Variants in IL23R observed in about 807,000 individuals in gnomAD.
IL23R encodes interleukin 23 receptor, also known as interleukin-23 receptor.
Under a neutral mutation model 56.9 loss-of-function variants are expected in IL23R, and 34 were observed. The ratio of observed to expected loss-of-function variants is 0.60; its 90% CI spans 0.45 to 0.80. The LOEUF is 0.80. IL23R is among the 30% of genes least tolerant of loss of function. The pLI is 0.00. For missense variants in IL23R, 635 were observed against 730.0 expected, an observed-to-expected ratio of 0.87 and a Z score of 1.50; for synonymous variants, 230 against 249.2, an observed-to-expected ratio of 0.92 and a Z score of 0.73.
chr1:67,204,768 G>GT (rs1648889751), intron 5 of IL23R, among the ~76,000 whole-genome samples: 1 of 66,424 alleles, frequency 1.5e-5, no homozygotes, highest in African/African-American at 6.7e-5. Context: ...TCTCAATACT[G>GT]ATTTTTTTTT....
intron 1 of IL23R, among the ~76,000 whole-genome samples, chr1:67,142,240 T>C (rs573073415): frequency 3.8e-4 from 58 of 152,238 alleles, no homozygotes; most frequent in African/African-American, 1.3e-3. Context: ...TGAGATCCTT[T>C]CTCAAAAAAG....
At chr1:67,161,759 C>G (rs773115738), upstream of IL23R, among the ~76,000 whole-genome samples, 1 of 151,968 alleles carries the variant, frequency 6.6e-6, no homozygotes, top group Non-Finnish European at 1.5e-5. Flanking sequence ...TCCTAAGTAG[C>G]TGGGATTACA....
chr1:67,212,977 G>A (rs1229470269), intron 6 of IL23R, among the ~76,000 whole-genome samples: 1 of 151,950 alleles, frequency 6.6e-6, no homozygotes, highest in African/African-American at 2.4e-5. Flanking sequence ...GGGTTCAAGC[G>A]ATTCTCCTGA....
chr1:67,194,380 C>G (rs1647982290), intron 4 of IL23R, among the ~76,000 whole-genome samples: 1 of 152,138 alleles, frequency 6.6e-6, no homozygotes, highest in East Asian at 1.9e-4. Flanking sequence ...CCAGGAGCCC[C>G]CAGCCATCAG....
chr1:67,249,656 A>T (rs1652488140), intron 9 of IL23R, among the ~76,000 whole-genome samples: 1 of 152,180 alleles, frequency 6.6e-6, no homozygotes, highest in African/African-American at 2.4e-5. Context: ...CATGTAACTA[A>T]ACATGTCAGA....
chr1:67,168,842 T>G (rs11465772), intron 2 of IL23R, among the ~76,000 whole-genome samples: 3,166 of 152,240 alleles, frequency 0.021, 99 homozygotes, highest in African/African-American at 0.072. Flanking sequence ...TCTAGTCTTG[T>G]GTCATGGTGC....
At chr1:67,181,964 A>G (rs958246930) in intron 3 of IL23R, among the ~76,000 whole-genome samples, 2 of 152,180 alleles carry the variant, frequency 1.3e-5, no homozygotes, top group African/African-American at 4.8e-5. Flanking sequence ...GTGAACAGCA[A>G]ATGTTGCTGC....
intron 7 of IL23R, among the ~76,000 whole-genome samples, chr1:67,222,106 T>C (rs11209024): frequency 4.2e-4 from 24 of 57,728 alleles, no homozygotes; most frequent in African/African-American, 1.8e-3. Flanking sequence ...TTCTTTCTTT[T>C]TTTTTTTTTT....
At chr1:67,165,659 C>T (rs1468076489), upstream of IL23R, among the ~76,000 whole-genome samples, 5 of 152,162 alleles carry the variant, frequency 3.3e-5, no homozygotes, top group African/African-American at 7.2e-5. Flanking sequence ...TCTGCCATTG[C>T]GGTAACATAG....
intron 6 of IL23R, among the ~76,000 whole-genome samples, chr1:67,210,469 G>GT (rs552762815): frequency 5.6e-4 from 83 of 147,006 alleles, no homozygotes; most frequent in Admixed American, 1.8e-3. Flanking sequence ...CTTTTTTAAG[G>GT]TTTTTTTTTT....
the IL23R span, among the ~76,000 whole-genome samples, chr1:67,265,805 C>T: frequency 2.0e-5 from 3 of 151,904 alleles, no homozygotes; most frequent in African/African-American, 4.8e-5. Flanking sequence ...ACTTGGGAAG[C>T]TGAAGTAGGA....
At chr1:67,233,076 C>T (rs1039799216) in intron 7 of IL23R, among the ~76,000 whole-genome samples, 17 of 150,250 alleles carry the variant, frequency 1.1e-4, no homozygotes, top group African/African-American at 3.7e-4. Flanking sequence ...TGTCCAGGTG[C>T]GGTGCCTCAC....
chr1:67,148,137 G>A (rs1454435322), intron 1 of IL23R, among the ~76,000 whole-genome samples: 4 of 152,226 alleles, frequency 2.6e-5, no homozygotes, highest in African/African-American at 9.7e-5. Flanking sequence ...AGCCCGATCC[G>A]CAGCGGCGAT....
chr1:67,230,885 C>T (rs1651058843), intron 7 of IL23R, among the ~76,000 whole-genome samples: 1 of 152,176 alleles, frequency 6.6e-6, no homozygotes, highest in Admixed American at 6.5e-5. Flanking sequence ...ATTCTGACCA[C>T]AGAGCTAAAC....
intron 10 of IL23R, among the ~76,000 whole-genome samples, chr1:67,257,285 G>A (rs1230683259): frequency 1.3e-5 from 2 of 152,164 alleles, no homozygotes; most frequent in Admixed American, 1.3e-4. Context: ...GCTGGAGGCT[G>A]GGAAGTCCAT....
chr1:67,211,930 A>G (rs1649504445), intron 6 of IL23R, among the ~76,000 whole-genome samples: 1 of 152,336 alleles, frequency 6.6e-6, no homozygotes, highest in Non-Finnish European at 1.5e-5. Context: ...ATCCTTTGTG[A>G]TAGGTAGTAT....
intron 9 of IL23R, among the ~76,000 whole-genome samples, chr1:67,241,682 A>G (rs565031105): frequency 5.9e-5 from 9 of 152,304 alleles, no homozygotes; most frequent in African/African-American, 2.2e-4. Flanking sequence ...AGACCATTTG[A>G]CATTCTGGAG....
At chr1:67,229,610 C>T (rs936058207) in intron 7 of IL23R, among the ~76,000 whole-genome samples, 9 of 152,152 alleles carry the variant, frequency 5.9e-5, no homozygotes, top group African/African-American at 1.7e-4. Context: ...TTGATCTTTC[C>T]TCTGAACAAC....
chr1:67,211,614 C>G (rs1162456815), intron 6 of IL23R, among the ~76,000 whole-genome samples: 4 of 149,856 alleles, frequency 2.7e-5, no homozygotes, highest in Non-Finnish European at 4.4e-5. Context: ...CAGAGTGACT[C>G]TGTCTCCAGA....
Sources: allele counts gnomAD v4.1 joint callset (sites outside exome capture counted in the v4.1 genomes callset), GRCh38; gene constraint gnomAD v4.1.1; transcripts MANE v1.5; gene names NCBI Gene and HGNC (gene_info 2026-07-23, HGNC 2026-07-21).